Variants in MBP observed in about 807,000 individuals in gnomAD.
MBP encodes Golli-MBP.
Under a neutral mutation model 35.8 loss-of-function variants are expected in MBP, and 16 were observed. That is an observed-to-expected ratio of 0.45 (90% CI 0.30 to 0.68). MBP has a LOEUF of 0.68. Among genes scored for constraint, MBP ranks in the 30% least tolerant of loss-of-function variants. The pLI is 0.08. For missense variants in MBP, 380 were observed against 404.7 expected (o/e 0.94, Z 0.52); for synonymous variants, 143 against 159.6 (o/e 0.90, Z 0.78).
intron 3 of MBP, among the ~76,000 whole-genome samples, chr18:77,034,018 T>G (rs904056207): frequency 4.4e-4 from 58 of 130,458 alleles, no homozygotes; most frequent in Non-Finnish European, 7.0e-4. Flanking sequence ...CTATCTATGA[T>G]GAAGTGTCTC....
At chr18:77,014,793 C>T (rs1214211616) in intron 4 of MBP, 1 of 985,212 alleles carries the variant, frequency 1.0e-6, no homozygotes, top group African/African-American at 1.7e-5. Flanking sequence ...ATCACACGTG[C>T]AAATGTTATT....
At chr18:77,078,492 T>C (rs1974751964) in intron 2 of MBP, among the ~76,000 whole-genome samples, 3 of 152,244 alleles carry the variant, frequency 2.0e-5, no homozygotes, top group Non-Finnish European at 2.9e-5. Context: ...TGTCAAAAAC[T>C]GCTCATCAGC....
intron 2 of MBP, among the ~76,000 whole-genome samples, chr18:77,084,411 G>T (rs902979432): frequency 1.4e-5 from 1 of 73,476 alleles, no homozygotes; most frequent in African/African-American, 5.1e-5. Context: ...TCACAACACC[G>T]CCCCCCCCGC....
In MBP at chr18:77,092,679, G is replaced by A. The variant is rs1296242904; in HGVS notation, c.51+12532C>T. 3.3e-5 allele frequency among the ~76,000 whole-genome samples: 5 copies of A among 152,176 alleles called. No homozygotes were observed. The East Asian group carries it at 9.6e-4, about 29-fold the overall frequency. ...AAGCCACAAGTTACAGACGCAGGGT[G>A]CAACTGAGGAACATGATCAGTGAAG... On this transcript the variant is annotated intron_variant, in intron 2 of 8. Transcript: ENST00000355994.
rs1225370330 is a variant in MBP at position 76,980,148 on chromosome 18, A to T, written c.*279T>A. On this transcript the variant is annotated 3_prime_UTR_variant, in exon 9 of 9. Coordinates refer to ENST00000355994, the MANE Select transcript of MBP (RefSeq NM_001025101.2). ...GGACGTCTGTGCACCTGGCCCCCTG[A>T]AGACCCACGTGCGTCTGGGGGCACA... is the stretch of plus-strand genomic sequence containing the variant. 1.8e-5 allele frequency: 12 copies of T among 653,660 alleles called. No individual in the cohort carries two copies. The highest frequency in any genetic ancestry group is 3.3e-5 in the Non-Finnish European group (12 of 363,966). The allele number at this position is 653,660 out of a possible 1,614,324, so 40.5% of individuals were successfully genotyped here.
At chr18:77,087,067 A>G (rs1017616767) in intron 2 of MBP, among the ~76,000 whole-genome samples, 2 of 152,146 alleles carry the variant, frequency 1.3e-5, no homozygotes, top group Non-Finnish European at 2.9e-5. Flanking sequence ...CAGCCCCTTT[A>G]TTAATTCCAT....
At chr18:77,108,101 T>C (rs1298652765) in intron 1 of MBP, among the ~76,000 whole-genome samples, 1 of 152,242 alleles carries the variant, frequency 6.6e-6, no homozygotes, top group Non-Finnish European at 1.5e-5. Context: ...TAATCACGAG[T>C]GACTGGCAGT....
intron 3 of MBP, among the ~76,000 whole-genome samples, chr18:77,036,098 C>T (rs1471239126): frequency 2.0e-5 from 3 of 151,454 alleles, no homozygotes; most frequent in African/African-American, 7.3e-5. Context: ...TTTTGGAGGA[C>T]TGAGCTGAGC....
chr18:76,999,915 T>C (rs1970539713), intron 4 of MBP, among the ~76,000 whole-genome samples: 1 of 152,182 alleles, frequency 6.6e-6, no homozygotes, highest in Admixed American at 6.5e-5. Flanking sequence ...TACTGCACTT[T>C]CTTTGTGGGT....
rs527784617 is a variant in MBP, at chr18:77,079,957, G to A, written c.52-13572C>T. Among the ~76,000 whole-genome samples the A allele has an allele frequency of 4.6e-5, 7 of 152,316 alleles. No individual in the cohort carries two copies. The South Asian group carries it at 1.4e-3, about 32-fold the overall frequency. ...CGGTTCTTCACCAACTAGAGTGCAA[G>A]AAGCGAGAATCAAGTCTACTAGTAT... On this transcript the variant is annotated intron_variant, in intron 2 of 8. Transcript: ENST00000355994.
chr18:76,988,144 C>T lies in MBP; in HGVS notation c.750+351G>A, dbSNP rs936792104. On this transcript the variant is annotated intron_variant, in intron 7 of 8. Coordinates refer to ENST00000355994, the MANE Select transcript of MBP (RefSeq NM_001025101.2). The surrounding 1 kb of genome is among the most constrained non-coding windows in gnomAD (Gnocchi z 5.2). Reference sequence around the variant, plus strand: ...CCACATGCGGGTTCCTGGGGCTTCTCGCACTGGTTGTGTTGGAGGAAGTTA... The same window carrying T: ...CCACATGCGGGTTCCTGGGGCTTCTTGCACTGGTTGTGTTGGAGGAAGTTA... 23 of 1,532,964 alleles carry T rather than the reference C, an allele frequency of 1.5e-5. No individual in the cohort carries two copies. The South Asian group carries it at 1.7e-4, about 11-fold the overall frequency. The allele number at this position is 1,532,964 out of a possible 1,614,324, so 95.0% of individuals were successfully genotyped here. A position where few individuals can be genotyped will look rare whatever the true frequency, so the allele number is the denominator to read the frequency against.
At chr18:77,067,634 G>C (rs2144813861) in intron 2 of MBP, among the ~76,000 whole-genome samples, 1 of 152,294 alleles carries the variant, frequency 6.6e-6, no homozygotes, top group East Asian at 1.9e-4. Flanking sequence ...AGTGCTGTGG[G>C]CAGCCGCGCT....
At chr18:76,984,005 C>CAA (rs1969377182) in intron 8 of MBP, 1 of 152,232 alleles carries the variant, frequency 6.6e-6, no homozygotes, top group African/African-American at 2.4e-5. Context: ...CCTGGGGGCT[C>CAA]CCAGAGCCTT....
At chr18:77,080,648 A>G (rs1974854155) in intron 2 of MBP, among the ~76,000 whole-genome samples, 1 of 152,230 alleles carries the variant, frequency 6.6e-6, no homozygotes, top group Non-Finnish European at 1.5e-5. Flanking sequence ...ACTTGGTGGC[A>G]TCACAGTTTT....
rs1330251545 is a variant in MBP, at chr18:76,989,871, C to T, written c.681+85G>A. The T allele has an allele frequency of 1.2e-5, 15 of 1,231,544 alleles. No individual in the cohort carries two copies. The highest frequency in any genetic ancestry group is 4.7e-5 in the East Asian group (2 of 42,658). 76.3% of individuals were successfully genotyped at this position (1,231,544 alleles called of 1,614,324 possible). On this transcript the variant is annotated intron_variant, in intron 5 of 8. Transcript: ENST00000355994. The surrounding 1 kb of genome is among the most constrained non-coding windows in gnomAD (Gnocchi z 4.0). ...GACCCCGGTGCCACCCCCGAGCGTA[C>T]GAACGTCCTGTGTGGATGACAGCAG...
chr18:77,124,425 G>A (rs1976979866), intron 1 of MBP, among the ~76,000 whole-genome samples: 1 of 152,066 alleles, frequency 6.6e-6, no homozygotes, highest in Non-Finnish European at 1.5e-5. Context: ...AACTCTTCTG[G>A]CCACCACGCC....
rs547450614 is a variant in MBP at position 77,063,044 on chromosome 18, C to T, written c.139+3254G>A. On this transcript the variant is annotated intron_variant, in intron 3 of 8. Coordinates refer to ENST00000355994, the MANE Select transcript of MBP (RefSeq NM_001025101.2). Reference sequence around the variant, plus strand: ...CGGGACATCAGGAATGGTTTCCCAACGTACTGATGGGATTTACTATCATGT... The same window carrying T: ...CGGGACATCAGGAATGGTTTCCCAATGTACTGATGGGATTTACTATCATGT... 1.5e-4 allele frequency among the ~76,000 whole-genome samples: 23 copies of T among 152,260 alleles called. No individual in the cohort carries two copies. The East Asian group carries it at 3.5e-3, about 23-fold the overall frequency.
intron 4 of MBP, among the ~76,000 whole-genome samples, chr18:77,002,421 A>C (rs1321148936): frequency 6.6e-6 from 1 of 152,224 alleles, no homozygotes; most frequent in African/African-American, 2.4e-5. Flanking sequence ...TCTACCATCC[A>C]GTGGCTAAAT....
At chr18:77,063,693 T>C (rs1487449147) in intron 3 of MBP, among the ~76,000 whole-genome samples, 1 of 152,214 alleles carries the variant, frequency 6.6e-6, no homozygotes, top group Non-Finnish European at 1.5e-5. Context: ...GGAAATATTC[T>C]GCATTTCCAT....
Sources: gnomAD v4.1 joint callset for allele counts (sites outside exome capture counted in the v4.1 genomes callset) on GRCh38, gnomAD v4.1.1 for gene constraint, Gnocchi (gnomAD v3.1) non-coding constraint, MANE v1.5 for transcripts, NCBI Gene and HGNC (gene_info 2026-07-23, HGNC 2026-07-21) for gene names.